The following NBPF15 variants were observed in gnomAD, a reference collection of about 807,000 sequenced individuals.
The protein encoded by NBPF15 is NBPF family member NBPF15.
NBPF15 carries 74 observed loss-of-function variants against 62.2 expected under a neutral mutation model. That is an observed-to-expected ratio of 1.19 (90% CI 0.99 to 1.44). The LOEUF (loss-of-function observed/expected upper bound fraction) is 1.44, where lower values mean the gene tolerates loss of function less well. Among genes scored for constraint, NBPF15 ranks in the 40% most tolerant of loss-of-function variants. The pLI is 0.00. For synonymous variants in NBPF15, 244 were observed against 209.7 expected (o/e 1.16, Z -1.41); for missense variants, 790 against 550.0 (o/e 1.44, Z -4.36).
chr1:144,436,173 C>A (rs1401543795), intron 10 of NBPF15, among the ~76,000 whole-genome samples: 1 of 152,066 alleles, frequency 6.6e-6, no homozygotes, highest in Non-Finnish European at 1.5e-5. Context: ...GATTCCCAGG[C>A]ACAGGCTTGG....
At chr1:144,444,219 C>T (rs1223297412) in intron 6 of NBPF15, among the ~76,000 whole-genome samples, 5 of 149,792 alleles carry the variant, frequency 3.3e-5, no homozygotes, top group African/African-American at 1.0e-4. Flanking sequence ...CACAGGCCTC[C>T]GTAACAACTG....
chr1:144,432,552 C>T (rs1470524552), intron 13 of NBPF15, among the ~76,000 whole-genome samples: 4 of 151,754 alleles, frequency 2.6e-5, no homozygotes, highest in African/African-American at 7.3e-5. Context: ...GTGTGCTGTA[C>T]TCAGGAAACC....
At chr1:144,459,083 G>A (rs1650402620) in intron 3 of NBPF15, among the ~76,000 whole-genome samples, 1 of 151,102 alleles carries the variant, frequency 6.6e-6, no homozygotes, top group Non-Finnish European at 1.5e-5. Context: ...ATTGCTATAA[G>A]GTTAACACAG....
chr1:144,423,841 A>T lies in NBPF15; in HGVS notation c.1769+29T>A, dbSNP rs1553538749. ...TGTTGCCTCCAGGTGTTAACACAGAATTAAGCATCCACAATTGCTGAAAGT... is the reference window on the plus strand; with the variant it reads ...TGTTGCCTCCAGGTGTTAACACAGATTTAAGCATCCACAATTGCTGAAAGT... On this transcript the variant is annotated intron_variant, in intron 21 of 21. Coordinates refer to ENST00000581897, the MANE Select transcript of NBPF15 (RefSeq NM_001385408.1). 6 of 763,110 alleles carry T rather than the reference A, an allele frequency of 7.9e-6. No homozygotes were observed. The African/African-American group carries it at 1.0e-4, about 13-fold the overall frequency. 47.3% of individuals were successfully genotyped at this position (763,110 alleles called of 1,614,324 possible). A position where few individuals can be genotyped will look rare whatever the true frequency, so the allele number is the denominator to read the frequency against.
At chr1:144,444,946 T>A (rs1686204865) in intron 6 of NBPF15, among the ~76,000 whole-genome samples, 1 of 151,840 alleles carries the variant, frequency 6.6e-6, no homozygotes, top group Admixed American at 6.6e-5. Flanking sequence ...AAGAAACTGT[T>A]AGATTTTCAA....
chr1:144,439,393 T>G lies in NBPF15; in HGVS notation c.175+436A>C, dbSNP rs1681158783. Among the ~76,000 whole-genome samples the G allele has an allele frequency of 1.2e-4, 19 of 152,172 alleles. No individual in the cohort carries two copies. The South Asian group carries it at 3.7e-3, about 30-fold the overall frequency. On this transcript the variant is annotated intron_variant, in intron 8 of 21. Transcript: ENST00000581897. ...ACTGGCTACTATCACCAAGTTTCCC[T>G]CAGAGTCACTAGAACAGAGCTTTGC...
chr1:144,426,458 A>T lies in NBPF15; in HGVS notation c.1266-8T>A. The T allele has an allele frequency of 2.5e-6, 2 of 803,546 alleles. No individual in the cohort carries two copies. The highest frequency in any genetic ancestry group is 3.4e-5 in the Admixed American group (2 of 58,502). The allele number at this position is 803,546 out of a possible 1,614,324, so 49.8% of individuals were successfully genotyped here. On this transcript the variant is annotated splice_polypyrimidine_tract_variant and splice_region_variant and intron_variant, in intron 17 of 21. Transcript: ENST00000581897. ...AGCAGCTCCCTGCTGAGCCTGGAAA[A>T]GTAGGAAAAAGTAAAGAATAAGCCA... is the stretch of plus-strand genomic sequence containing the variant.
chr1:144,426,414 T>G lies in NBPF15; in HGVS notation c.1302A>C (p.Glu434Asp), dbSNP rs1173112819. 2 of 789,304 alleles carry G rather than the reference T, an allele frequency of 2.5e-6. No individual in the cohort carries two copies. The highest frequency in any genetic ancestry group is 3.4e-5 in the African/African-American group (2 of 58,746). 48.9% of individuals were successfully genotyped at this position (789,304 alleles called of 1,614,324 possible). A position where few individuals can be genotyped will look rare whatever the true frequency, so the allele number is the denominator to read the frequency against. The change falls in exon 18 of 22, where the codon GAA becomes GAC. Residue 434 changes from glutamate (E) to aspartate (D), a missense_variant. By Grantham distance (45) the Glu-to-Asp change is conservative. Transcript: ENST00000581897. ...SRELLDEKEPEVLQDSLDRCY... is the reference protein window; with the variant it reads ...SRELLDEKEPDVLQDSLDRCY... ...ATCTATCCAGTGAGTCCTGCAAGAC[T>G]TCAGGCTCTTTCTCATCCAGCAGCT...
chr1:144,441,083 A>AT (rs1280827874), intron 6 of NBPF15, among the ~76,000 whole-genome samples: 1 of 151,858 alleles, frequency 6.6e-6, no homozygotes, highest in African/African-American at 2.4e-5. Flanking sequence ...TTATCACACA[A>AT]TTTGATATCC....
chr1:144,457,687 T>C (rs1448552701), intron 3 of NBPF15, among the ~76,000 whole-genome samples: 3 of 151,968 alleles, frequency 2.0e-5, no homozygotes, highest in Admixed American at 6.6e-5. Flanking sequence ...GAAAATGAGA[T>C]TGAACACATA....
chr1:144,439,732 G>A (rs1191671091), intron 8 of NBPF15, 97 bp downstream of exon 8: 3 of 867,278 alleles, frequency 3.5e-6, no homozygotes, highest in South Asian at 1.4e-5. Context: ...AGTACAGGAA[G>A]GATGAAATTA....
chr1:144,432,791 C>T (rs1254843642), intron 13 of NBPF15, among the ~76,000 whole-genome samples: 4 of 150,716 alleles, frequency 2.7e-5, no homozygotes, highest in African/African-American at 9.9e-5. Flanking sequence ...TACAGGAGCA[C>T]CCAGATTCAT....
chr1:144,457,524 C>A (rs1251759465), intron 3 of NBPF15, among the ~76,000 whole-genome samples: 6 of 152,108 alleles, frequency 3.9e-5, no homozygotes, highest in Admixed American at 3.3e-4. Context: ...AACTGTGACA[C>A]TTGGAGATTG....
intron 12 of NBPF15, among the ~76,000 whole-genome samples, chr1:144,434,817 T>C (rs1191744679): frequency 3.3e-5 from 5 of 151,894 alleles, no homozygotes; most frequent in African/African-American, 9.7e-5. Flanking sequence ...TAATCACAGA[T>C]GACAAGAGAT....
At chr1:144,445,023 G>T (rs79087563) in intron 6 of NBPF15, among the ~76,000 whole-genome samples, 1 of 151,288 alleles carries the variant, frequency 6.6e-6, no homozygotes, top group African/African-American at 2.4e-5. Flanking sequence ...CTCACCAACA[G>T]GTGCTATTTT....
chr1:144,426,681 C>T (rs1252010607), intron 17 of NBPF15, among the ~76,000 whole-genome samples: 9 of 151,240 alleles, frequency 6.0e-5, no homozygotes, highest in South Asian at 2.1e-4. Flanking sequence ...GTGAGCTCAG[C>T]GAATTGGCCG....
chr1:144,426,588 C>T (rs1402909106), intron 17 of NBPF15, 138 bp from the exon 18 acceptor site: 14 of 708,558 alleles, frequency 2.0e-5, no homozygotes, highest in South Asian at 6.0e-5. Flanking sequence ...TGAATTATTG[C>T]CTTTATGTTG....
Position 144,428,002 on chromosome 1 carries a change from G to A in NBPF15, c.1041-12C>T, listed in dbSNP as rs1259262381. Reference sequence around the variant, plus strand: ...GCTCCCTGCTGAGCCTGGAAAAGTGGGAAAAAGTAAAGAATAAGCCAGGGG... The same window carrying A: ...GCTCCCTGCTGAGCCTGGAAAAGTGAGAAAAAGTAAAGAATAAGCCAGGGG... On this transcript the variant is annotated splice_polypyrimidine_tract_variant and intron_variant, in intron 15 of 21. Transcript: ENST00000581897. 5.3e-6 allele frequency: 4 copies of A among 747,684 alleles called. No individual in the cohort carries two copies. The highest frequency in any genetic ancestry group is 3.7e-5 in the Admixed American group (2 of 53,432). 46.3% of individuals were successfully genotyped at this position (747,684 alleles called of 1,614,324 possible). A position where few individuals can be genotyped will look rare whatever the true frequency, so the allele number is the denominator to read the frequency against.
chr1:144,432,467 T>C (rs587713655), intron 13 of NBPF15, among the ~76,000 whole-genome samples: 1 of 152,088 alleles, frequency 6.6e-6, no homozygotes, highest in African/African-American at 2.4e-5. Flanking sequence ...AATATTAACC[T>C]TAAATGTAAA....
Sources: gnomAD v4.1 joint callset for allele counts (sites outside exome capture counted in the v4.1 genomes callset) on GRCh38, gnomAD v4.1.1 for gene constraint, MANE v1.5 for transcripts, NCBI Gene and HGNC (gene_info 2026-07-23, HGNC 2026-07-21) for gene names.